Variants in RNF138 observed in about 807,000 individuals in gnomAD.
RNF138 encodes the protein ring finger protein 138, also known as E3 ubiquitin-protein ligase RNF138.
In RNF138, 12 loss-of-function variants were observed where a neutral mutation model predicts 31.0. The observed-to-expected ratio is 0.39, with a 90% CI of 0.25 to 0.63. The LOEUF (loss-of-function observed/expected upper bound fraction) is 0.63. RNF138 is among the 20% of genes least tolerant of loss of function. The probability of loss-of-function intolerance (pLI) is 0.52; values close to 1 mark genes in which losing one functional copy is unlikely to be tolerated. For missense variants in RNF138, 192 were observed against 300.1 expected (o/e 0.64, Z 2.66); for synonymous variants, 105 against 99.5 (o/e 1.06, Z -0.33).
At chr18:32,100,727 C>T (rs1248287812) in intron 2 of RNF138, among the ~76,000 whole-genome samples, 1 of 152,050 alleles carries the variant, frequency 6.6e-6, no homozygotes, top group Non-Finnish European at 1.5e-5. Flanking sequence ...CCACCCACCT[C>T]GGCCTACCAA....
At chr18:32,095,163 A>G (rs2144557629) in intron 2 of RNF138, among the ~76,000 whole-genome samples, 1 of 109,690 alleles carries the variant, frequency 9.1e-6, no homozygotes, top group African/African-American at 3.4e-5. Flanking sequence ...TTGGAGAGAA[A>G]TTTTAAAAAT....
At chr18:32,108,319 C>T (rs1013600149) in intron 2 of RNF138, among the ~76,000 whole-genome samples, 9 of 152,216 alleles carry the variant, frequency 5.9e-5, no homozygotes, top group African/African-American at 2.2e-4. Flanking sequence ...CTAATGTTCC[C>T]TTCTCTAAGG....
chr18:32,115,759 G>GCA (rs912101281), intron 4 of RNF138, among the ~76,000 whole-genome samples: 2 of 151,418 alleles, frequency 1.3e-5, no homozygotes, highest in African/African-American at 4.9e-5. Flanking sequence ...ACACACACAC[G>GCA]CACACACACG....
At chr18:32,114,108 A>AT (rs932504011) in intron 4 of RNF138, among the ~76,000 whole-genome samples, 3 of 152,176 alleles carry the variant, frequency 2.0e-5, no homozygotes, top group African/African-American at 7.2e-5. Flanking sequence ...AAGAATTTTC[A>AT]TTTTTTTGAG....
At chr18:32,127,677 TATTAA>T in intron 7 of RNF138, among the ~76,000 whole-genome samples, 1 of 152,368 alleles carries the variant, frequency 6.6e-6, no homozygotes, top group East Asian at 1.9e-4. Flanking sequence ...TCTAGATTAT[TATTAA>T]ATTCTCATTG....
chr18:32,094,825 C>G (rs2039776258), intron 2 of RNF138, among the ~76,000 whole-genome samples: 1 of 152,128 alleles, frequency 6.6e-6, no homozygotes, highest in African/African-American at 2.4e-5. Flanking sequence ...TAGAATCATT[C>G]TAATTATCCT....
At chr18:32,128,207 C>T (rs1185801970) in intron 7 of RNF138, among the ~76,000 whole-genome samples, 2 of 152,100 alleles carry the variant, frequency 1.3e-5, no homozygotes, top group South Asian at 2.1e-4. Flanking sequence ...AGTTTTATAA[C>T]GATTGAATAA....
intron 2 of RNF138, among the ~76,000 whole-genome samples, chr18:32,101,142 TAGG>T (rs2039931435): frequency 1.3e-5 from 2 of 151,700 alleles, no homozygotes; most frequent in African/African-American, 4.8e-5. Context: ...GGTCCCGAGG[TAGG>T]AGGGAACATG....
chr18:32,093,660 A>G (rs1290074166), intron 2 of RNF138, among the ~76,000 whole-genome samples: 1 of 152,224 alleles, frequency 6.6e-6, no homozygotes, highest in African/African-American at 2.4e-5. Context: ...ATGAGCCGAA[A>G]TTGAGATGCT....
At chr18:32,093,937 G>C (rs2039756881) in intron 2 of RNF138, among the ~76,000 whole-genome samples, 1 of 152,078 alleles carries the variant, frequency 6.6e-6, no homozygotes, top group African/African-American at 2.4e-5. Context: ...GTGGGGCCTG[G>C]AAATCTTTAT....
At chr18:32,125,516 C>T (rs889730666) in intron 6 of RNF138, among the ~76,000 whole-genome samples, 2 of 152,062 alleles carry the variant, frequency 1.3e-5, no homozygotes, top group African/African-American at 4.8e-5. Flanking sequence ...TCCCTTTCAG[C>T]TGAACATTTT....
intron 4 of RNF138, among the ~76,000 whole-genome samples, chr18:32,123,160 G>A (rs185227620): frequency 2.7e-4 from 41 of 152,190 alleles, no homozygotes; most frequent in Middle Eastern, 3.4e-3. Flanking sequence ...TGAGTCTACC[G>A]TAGCATTTAA....
At chr18:32,103,921 C>T (rs1054619397) in intron 2 of RNF138, among the ~76,000 whole-genome samples, 93 of 151,436 alleles carry the variant, frequency 6.1e-4, no homozygotes, top group African/African-American at 1.1e-3. Flanking sequence ...GCTGAGATTG[C>T]GCCACTGCAC....
At chr18:32,117,037 G>T (rs2040228795) in intron 4 of RNF138, among the ~76,000 whole-genome samples, 1 of 152,122 alleles carries the variant, frequency 6.6e-6, no homozygotes, top group South Asian at 2.1e-4. Context: ...GAGTAGCTGG[G>T]ATTACAGGTG....
At chr18:32,102,038 G>A (rs1423346232) in intron 2 of RNF138, among the ~76,000 whole-genome samples, 1 of 149,302 alleles carries the variant, frequency 6.7e-6, no homozygotes, top group Non-Finnish European at 1.5e-5. Flanking sequence ...CACCATGCCT[G>A]GCTGATTTTT....
chr18:32,108,531 C>A (rs2040073927), intron 2 of RNF138, among the ~76,000 whole-genome samples: 1 of 152,062 alleles, frequency 6.6e-6, no homozygotes, highest in African/African-American at 2.4e-5. Flanking sequence ...TTGTAATTTT[C>A]ATTTTGTGAA....
chr18:32,121,684 C>G (rs1426286576), intron 4 of RNF138, among the ~76,000 whole-genome samples: 1 of 152,078 alleles, frequency 6.6e-6, no homozygotes, highest in African/African-American at 2.4e-5. Context: ...TTAGAAACAT[C>G]TACCAATTTT....
intron 4 of RNF138, among the ~76,000 whole-genome samples, chr18:32,121,175 A>T (rs954668333): frequency 4.0e-5 from 6 of 151,148 alleles, no homozygotes; most frequent in African/African-American, 7.3e-5. Context: ...CAAATGGAAG[A>T]TGTATGCCAT....
chr18:32,119,639 G>A (rs1200405122), intron 4 of RNF138, among the ~76,000 whole-genome samples: 1 of 152,154 alleles, frequency 6.6e-6, no homozygotes, highest in Non-Finnish European at 1.5e-5. Context: ...GGCCAAGCTG[G>A]TCTCGGCCTC....
Sources: allele counts gnomAD v4.1 joint callset (sites outside exome capture counted in the v4.1 genomes callset), GRCh38; gene constraint gnomAD v4.1.1; transcripts MANE v1.5; gene names NCBI Gene and HGNC (gene_info 2026-07-23, HGNC 2026-07-21).